FCHSD2: variants seen among roughly 807,000 people sequenced by gnomAD.
FCHSD2 encodes FCH and double SH3 domains 2, also known as F-BAR and double SH3 domains protein 2.
Under a neutral mutation model 108.1 loss-of-function variants are expected in FCHSD2, and 38 were observed. That is an observed-to-expected ratio of 0.35 (90% confidence interval 0.27 to 0.46). The LOEUF (loss-of-function observed/expected upper bound fraction) is 0.46. Ranked by LOEUF, FCHSD2 falls within the 20% of genes least tolerant of loss-of-function variation. The pLI, the probability that FCHSD2 is intolerant of heterozygous loss-of-function variation, is 1.00. For missense variants in FCHSD2, 751 were observed against 897.8 expected (o/e 0.84, Z 2.09); for synonymous variants, 279 against 314.7 (o/e 0.89, Z 1.20).
chr11:73,052,883 G>A (rs958094737), intron 3 of FCHSD2, among the ~76,000 whole-genome samples: 1 of 152,088 alleles, frequency 6.6e-6, no homozygotes, highest in Non-Finnish European at 1.5e-5. Flanking sequence ...GTCTCACTCT[G>A]TTGCCCAGAC....
chr11:72,936,068 C>T (rs140561459), intron 8 of FCHSD2, among the ~76,000 whole-genome samples: 1 of 152,292 alleles, frequency 6.6e-6, no homozygotes, highest in Non-Finnish European at 1.5e-5. Context: ...CATTCAAATC[C>T]CAGTTCTACC....
At chr11:73,113,939 C>T (rs777052240) in intron 2 of FCHSD2, among the ~76,000 whole-genome samples, 20 of 152,104 alleles carry the variant, frequency 1.3e-4, no homozygotes, top group Non-Finnish European at 2.8e-4. Flanking sequence ...TCTCACAACA[C>T]TTGGTCTCTT....
chr11:72,882,735 T>A (rs879566996), intron 12 of FCHSD2, among the ~76,000 whole-genome samples: 9 of 152,310 alleles, frequency 5.9e-5, no homozygotes, highest in Admixed American at 6.5e-5. Flanking sequence ...GAGAGACACA[T>A]CATGTTCATG....
chr11:73,123,026 C>A (rs566146045), intron 2 of FCHSD2, among the ~76,000 whole-genome samples: 27 of 152,034 alleles, frequency 1.8e-4, no homozygotes, highest in Admixed American at 1.2e-3. Flanking sequence ...TCAAAAAAAA[C>A]CACAAAATAA....
intron 3 of FCHSD2, among the ~76,000 whole-genome samples, chr11:73,053,339 T>G (rs1404868515): frequency 6.6e-6 from 1 of 152,210 alleles, no homozygotes. Flanking sequence ...TAATTTAAAT[T>G]TAACTGTAAT....
intron 3 of FCHSD2, among the ~76,000 whole-genome samples, chr11:73,017,540 T>C (rs1274843536): frequency 6.6e-6 from 1 of 152,166 alleles, no homozygotes; most frequent in African/African-American, 2.4e-5. Context: ...CAATCTCAAG[T>C]TCCTCCCGAA....
intron 3 of FCHSD2, among the ~76,000 whole-genome samples, chr11:73,017,432 T>C (rs1336704580): frequency 1.3e-5 from 2 of 152,182 alleles, no homozygotes; most frequent in Admixed American, 6.5e-5. Flanking sequence ...ATCACATCTA[T>C]TAATCAACTA....
At chr11:72,941,322 G>A (rs976475952) in intron 8 of FCHSD2, among the ~76,000 whole-genome samples, 1 of 151,790 alleles carries the variant, frequency 6.6e-6, no homozygotes, top group Non-Finnish European at 1.5e-5. Flanking sequence ...AAAAACCTTT[G>A]CTAAGTCACT....
chr11:73,018,744 TG>T (rs1204483523), intron 3 of FCHSD2, among the ~76,000 whole-genome samples: 1 of 152,170 alleles, frequency 6.6e-6, no homozygotes, highest in African/African-American at 2.4e-5. Context: ...TTTTAATAAC[TG>T]TATCAGATTT....
intron 10 of FCHSD2, among the ~76,000 whole-genome samples, chr11:72,891,003 A>G (rs1855302625): frequency 1.3e-5 from 2 of 152,196 alleles, no homozygotes; most frequent in African/African-American, 4.8e-5. Context: ...CTGCAGCCTC[A>G]ACCTCCGGGC....
At chr11:72,886,029 C>T (rs867660536) in intron 12 of FCHSD2, among the ~76,000 whole-genome samples, 7 of 152,152 alleles carry the variant, frequency 4.6e-5, no homozygotes, top group South Asian at 2.1e-4. Flanking sequence ...TGCTTGCCTA[C>T]GCTGCCTCTC....
chr11:73,139,822 T>C (rs1433596077), intron 2 of FCHSD2, among the ~76,000 whole-genome samples: 1 of 152,252 alleles, frequency 6.6e-6, no homozygotes, highest in East Asian at 1.9e-4. Flanking sequence ...TTTTTCTGAA[T>C]ACTATGTGTG....
chr11:72,985,383 CA>C (rs916068835), intron 6 of FCHSD2, among the ~76,000 whole-genome samples: 7 of 142,308 alleles, frequency 4.9e-5, no homozygotes, highest in East Asian at 2.1e-4. Flanking sequence ...AAAACTTGAC[CA>C]AAAAAAAATC....
chr11:72,971,857 G>A (rs1857012094), intron 8 of FCHSD2, among the ~76,000 whole-genome samples: 1 of 152,146 alleles, frequency 6.6e-6, no homozygotes, highest in South Asian at 2.1e-4. Flanking sequence ...CTAAGTTTGT[G>A]GTGATTTGTT....
At position 72,842,610 on chromosome 11, in the gene FCHSD2, C is replaced by T; in HGVS notation, c.1926+11G>A. ...ACATCTTTTAATTCAACTGTCTCCC[C>T]TCTCAGGTACCTGAATCTCTCTCAT... On this transcript the variant is annotated intron_variant, in intron 17 of 19. Transcript: ENST00000409418. 6.2e-7 allele frequency: 1 copy of T among 1,613,974 alleles called. No homozygotes were observed. Among genetic ancestry groups the T allele is most frequent in the Non-Finnish European group, 8.5e-7 (1 of 1,179,866 alleles).
chr11:72,871,584 G>C (rs776013881), intron 12 of FCHSD2, among the ~76,000 whole-genome samples: 1 of 64,948 alleles, frequency 1.5e-5, no homozygotes, highest in Non-Finnish European at 2.9e-5. Context: ...GGGACTCTTG[G>C]ACAAACAAGT....
intron 14 of FCHSD2, among the ~76,000 whole-genome samples, chr11:72,846,599 A>G (rs1204698631): frequency 6.6e-6 from 1 of 152,140 alleles, no homozygotes; most frequent in African/African-American, 2.4e-5. Flanking sequence ...ATTTCTTCTC[A>G]CTTACCCCAA....
In FCHSD2 at chr11:72,942,212, C is replaced by G. The variant is rs1231820789; in HGVS notation, c.706-20262G>C. Among the ~76,000 whole-genome samples the G allele has an allele frequency of 2.0e-5, 3 of 152,136 alleles. No individual in the cohort carries two copies. In the East Asian group the frequency reaches 5.8e-4, roughly 29 times the overall value. The stretch of plus-strand genomic sequence containing the variant: ...CACTAGAGCTGGCTGTTTAAAAGAG[C>G]CTGGCAGCTCCCTCCTCTCTTGCTC... On this transcript the variant is annotated intron_variant, in intron 8 of 19. Transcript: ENST00000409418.
intron 9 of FCHSD2, among the ~76,000 whole-genome samples, chr11:72,903,143 A>C (rs920386942): frequency 2.0e-5 from 3 of 152,200 alleles, no homozygotes; most frequent in African/African-American, 7.2e-5. Context: ...TTACACTCTA[A>C]TTACCATCTT....
Sources: gnomAD v4.1 joint callset for allele counts (sites outside exome capture counted in the v4.1 genomes callset) on GRCh38, gnomAD v4.1.1 for gene constraint, MANE v1.5 for transcripts, NCBI Gene and HGNC (gene_info 2026-07-23, HGNC 2026-07-21) for gene names.